PTCH2: variants seen among roughly 807,000 people sequenced by gnomAD.
PTCH2 encodes patched 2.
Under a neutral mutation model 117.9 loss-of-function variants are expected in PTCH2, and 96 were observed. The observed-to-expected ratio is 0.81, with a 90% CI of 0.69 to 0.96. The LOEUF is 0.96. Among genes scored for constraint, PTCH2 ranks in the 50% least tolerant of loss-of-function variants. PTCH2 has a pLI of 0.00. For synonymous variants in PTCH2, 615 were observed against 660.9 expected, an observed-to-expected ratio of 0.93 and a Z score of 1.06; for missense variants, 1,379 against 1,562.5, an observed-to-expected ratio of 0.88 and a Z score of 1.98.
At chr1:44,841,194 ACC>A (rs59372477) in intron 2 of PTCH2, among the ~76,000 whole-genome samples, 2 of 143,262 alleles carry the variant, frequency 1.4e-5, no homozygotes, top group Non-Finnish European at 3.0e-5. Flanking sequence ...CAAAAAAACA[ACC>A]CCCCCCAAAA....
Position 44,842,059 on chromosome 1 carries a change from G to C in PTCH2, c.73-20C>G, listed in dbSNP as rs1397813076. The C allele has an allele frequency of 6.3e-7, 1 of 1,592,554 alleles. No individual in the cohort carries two copies. Among genetic ancestry groups the C allele is most frequent in the Non-Finnish European group, 8.6e-7 (1 of 1,161,568 alleles). ...TAGGATCTGGGATGGAAAGAGAAGGGTCAGCCAGGCATCACTGCAACAATG... is the reference window on the plus strand; with the variant it reads ...TAGGATCTGGGATGGAAAGAGAAGGCTCAGCCAGGCATCACTGCAACAATG... On this transcript the variant is annotated intron_variant, in intron 1 of 21. Transcript: ENST00000372192.
At chr1:44,833,215 G>A (rs1653536799) in intron 2 of PTCH2, among the ~76,000 whole-genome samples, 1 of 152,210 alleles carries the variant, frequency 6.6e-6, no homozygotes, top group East Asian at 1.9e-4. Context: ...GGGGAGGTGG[G>A]GACATTGTGA....
intron 1 of PTCH2, among the ~76,000 whole-genome samples, chr1:44,842,428 C>T (rs1653994252): frequency 6.6e-6 from 1 of 151,960 alleles, no homozygotes; most frequent in Admixed American, 6.6e-5. Context: ...TACAGGCGCC[C>T]GCCACCACGC....
chr1:44,838,282 C>T (rs1038579853), intron 2 of PTCH2, among the ~76,000 whole-genome samples: 6 of 152,152 alleles, frequency 3.9e-5, no homozygotes, highest in Admixed American at 6.5e-5. Context: ...GCTCTTGTTG[C>T]GCAGGCTGGA....
chr1:44,821,967 T>TA lies in PTCH2; in HGVS notation c.*447dup, dbSNP rs1046336336. The TA allele has an allele frequency of 1.5e-6, 2 of 1,312,630 alleles. No individual in the cohort carries two copies. The highest frequency in any genetic ancestry group is 3.1e-5 in the African/African-American group (2 of 65,210). 81.3% of individuals were successfully genotyped at this position (1,312,630 alleles called of 1,614,324 possible). A position where few individuals can be genotyped will look rare whatever the true frequency, so the allele number is the denominator to read the frequency against. On this transcript the variant is annotated 3_prime_UTR_variant, in exon 22 of 22. Coordinates refer to ENST00000372192, the MANE Select transcript of PTCH2 (RefSeq NM_003738.5). Reference sequence around the variant, plus strand: ...TTCACATAGAATATATTTCATTCTTTAAAAAATAAAACTTTCATCATAGCT... The same window carrying TA: ...TTCACATAGAATATATTTCATTCTTTAAAAAAATAAAACTTTCATCATAGCT...
At chr1:44,827,109 C>G in intron 16 of PTCH2, 27 bp from the exon 17 acceptor site, 1 of 1,613,954 alleles carries the variant, frequency 6.2e-7, no homozygotes, top group Non-Finnish European at 8.5e-7. Context: ...GGCTGAAGGC[C>G]TGGGCCCAGG....
At position 44,826,796 on chromosome 1, in the gene PTCH2, G is replaced by C; in HGVS notation, c.2696-28C>G. The C allele has an allele frequency of 1.9e-6, 3 of 1,603,990 alleles. No individual in the cohort carries two copies. The highest frequency in any genetic ancestry group is 2.6e-6 in the Non-Finnish European group (3 of 1,173,420). ...GTGGAGGGGAGGGGAAGGGAGAAGA[G>C]GGAGAGGGACAGGGCGGTGAGCACG... On this transcript the variant is annotated intron_variant, in intron 17 of 21. Transcript: ENST00000372192. This position sits in a 1 kb window ranked among gnomAD's most constrained non-coding sequence, Gnocchi z 5.1.
intron 6 of PTCH2, 124 bp downstream of exon 6, chr1:44,830,724 G>A (rs1287221207): frequency 1.0e-6 from 1 of 973,532 alleles, no homozygotes; most frequent in African/African-American, 1.6e-5. Context: ...TGGGAGCAGG[G>A]TAATAATGGC....
Position 44,829,950 on chromosome 1 carries a change from C to T in PTCH2, c.894G>A (p.Leu298=), listed in dbSNP as rs982280038. The T allele has an allele frequency of 5.0e-6, 8 of 1,614,054 alleles. No homozygotes were observed. Among genetic ancestry groups the T allele is most frequent in the Admixed American group, 1.7e-5 (1 of 60,004 alleles). The change falls in exon 7 of 22, where the codon CTG becomes CTA. Residue 298 remains leucine (L), a synonymous_variant. Coordinates refer to ENST00000372192, the MANE Select transcript of PTCH2 (RefSeq NM_003738.5). ...HKFMHWQEEL[L]LGGMARDPQG... is the part of the protein sequence containing the mutation. ...GGGGGTCTCTGGCCATGCCTCCCAG[C>T]AGCAATTCCTCCTGCCAGTGCATGA... is the stretch of plus-strand genomic sequence containing the variant.
At chr1:44,828,837 A>G in intron 11 of PTCH2, 145 bp downstream of exon 11, 1 of 1,179,876 alleles carries the variant, frequency 8.5e-7, no homozygotes, top group Non-Finnish European at 1.2e-6. Flanking sequence ...AATAACCCTT[A>G]GGACACAGCA....
At position 44,843,136 on chromosome 1, in the gene PTCH2, C is replaced by A; in HGVS notation, c.-204G>T. ...AGGGAGCTGCGGGTCCGGGGCGCGG[C>A]GCCGGGATTCACCCGCTCCGTGGGC... On this transcript the variant is annotated 5_prime_UTR_variant, in exon 1 of 22. Coordinates refer to ENST00000372192, the MANE Select transcript of PTCH2 (RefSeq NM_003738.5). The A allele has an allele frequency of 7.7e-7, 1 of 1,302,178 alleles. No individual in the cohort carries two copies. Among genetic ancestry groups the A allele is most frequent in the Non-Finnish European group, 9.7e-7 (1 of 1,026,860 alleles). 80.7% of individuals were successfully genotyped at this position (1,302,178 alleles called of 1,614,324 possible).
rs756575450 is a variant in PTCH2 at position 44,822,477 on chromosome 1, A to C, written c.3550T>G (p.Ser1184Ala). 6.2e-7 allele frequency: 1 copy of C among 1,613,784 alleles called. No homozygotes were observed. Among genetic ancestry groups the C allele is most frequent in the South Asian group, 1.1e-5 (1 of 91,080 alleles). ...IHPAPDEPPW[S>A]PAATSSGNLS... ...TTGCCAGAGCTAGTGGCAGCAGGGG[A>C]CCAAGGGGGCTCATCAGGGGCTGGA... Residue 1184 changes from serine (S) to alanine (A), a missense_variant, in exon 22 of 22, where the codon TCC becomes GCC. Transcript: ENST00000372192.
In PTCH2 at chr1:44,831,895, G is replaced by T; in HGVS notation, c.525+80C>A. On this transcript the variant is annotated intron_variant, in intron 4 of 21. Transcript: ENST00000372192. This position sits in a 1 kb window ranked among gnomAD's most constrained non-coding sequence, Gnocchi z 4.3. Reference sequence around the variant, plus strand: ...CTTAGTTTTAAGGGGGCAGATTGCAGGCTGTGGGGCTTGCTCGGTCTCTGA... The same window carrying T: ...CTTAGTTTTAAGGGGGCAGATTGCATGCTGTGGGGCTTGCTCGGTCTCTGA... 6.4e-7 allele frequency: 1 copy of T among 1,571,266 alleles called. No homozygotes were observed. The highest frequency in any genetic ancestry group is 8.8e-7 in the Non-Finnish European group (1 of 1,141,148).
At chr1:44,832,818 C>A (rs1441934958) in intron 2 of PTCH2, among the ~76,000 whole-genome samples, 1 of 152,122 alleles carries the variant, frequency 6.6e-6, no homozygotes, top group Non-Finnish European at 1.5e-5. Flanking sequence ...AGGGCTGGTT[C>A]TTAGTTCAGG....
chr1:44,820,524 T>C, downstream of PTCH2: 1 of 679,732 alleles, frequency 1.5e-6, no homozygotes, highest in Middle Eastern at 2.4e-4. Flanking sequence ...TCCGATCCAA[T>C]TCACCTCGAA....
intron 11 of PTCH2, 109 bp downstream of exon 11, chr1:44,828,873 G>C (rs1436991678): frequency 7.7e-7 from 1 of 1,297,642 alleles, no homozygotes; most frequent in African/African-American, 1.5e-5. Context: ...TTTACAGATG[G>C]GGACAAGAGG....
downstream of PTCH2, chr1:44,820,312 C>A: frequency 2.0e-6 from 1 of 488,098 alleles, no homozygotes; most frequent in South Asian, 1.5e-5. Flanking sequence ...TCCTGGGACC[C>A]GCACCCCGTG....
At chr1:44,838,454 T>C (rs1653783289) in intron 2 of PTCH2, among the ~76,000 whole-genome samples, 1 of 152,194 alleles carries the variant, frequency 6.6e-6, no homozygotes, top group Non-Finnish European at 1.5e-5. Context: ...TTGGTCAGGC[T>C]GGTCTCAAAC....
chr1:44,820,939 C>T (rs978814042), downstream of PTCH2, among the ~76,000 whole-genome samples: 10 of 152,164 alleles, frequency 6.6e-5, no homozygotes, highest in South Asian at 1.4e-3. Flanking sequence ...GCCAACTACC[C>T]GCTTCTCTTG....
Sources: allele counts gnomAD v4.1 joint callset (sites outside exome capture counted in the v4.1 genomes callset), GRCh38; gene constraint gnomAD v4.1.1; non-coding constraint Gnocchi (gnomAD v3.1); transcripts MANE v1.5; gene names NCBI Gene and HGNC (gene_info 2026-07-23, HGNC 2026-07-21).